TRDN: variants seen among roughly 807,000 people sequenced by gnomAD.
TRDN encodes triadin in skeletal muscle.
A neutral mutation model predicts 149.7 loss-of-function variants in TRDN; 161 were observed. The observed-to-expected ratio is 1.08, with a 90% CI of 0.95 to 1.23. The LOEUF is 1.23. Among genes scored for constraint, TRDN ranks in the 50% most tolerant of loss-of-function variants. The pLI is 0.00. For missense variants in TRDN, 896 were observed against 823.5 expected (o/e 1.09, Z -1.08); for synonymous variants, 294 against 250.5 (o/e 1.17, Z -1.64).
intron 1 of TRDN, among the ~76,000 whole-genome samples, chr6:123,620,421 G>A (rs1005595931): frequency 3.3e-5 from 5 of 152,028 alleles, no homozygotes; most frequent in Admixed American, 6.6e-5. Flanking sequence ...AAACTTATTC[G>A]GAATTTTCTC....
At position 123,561,286 on chromosome 6, in the gene TRDN, A is replaced by G. The variant is rs75024894; in HGVS notation, c.232+9637T>C. ...ACATTTATATACCTTACAATCCTCA[A>G]TCTTCAGGAATGGTAGAACGGACTA... On this transcript the variant is annotated intron_variant, in intron 2 of 40. Transcript: ENST00000334268. 8.2e-3 allele frequency among the ~76,000 whole-genome samples: 1,252 copies of G among 152,194 alleles called. 5 individuals carry two copies. Among genetic ancestry groups the G allele is most frequent in the African/African-American group, 0.013 (530 of 41,520 alleles).
chr6:123,289,168 C>T lies in TRDN; in HGVS notation c.1511-10086G>A, dbSNP rs147417169. ...ATATTATATATAATATATACACACACGTACACACACAAAATAGGATACTAT... is the reference window on the plus strand; with the variant it reads ...ATATTATATATAATATATACACACATGTACACACACAAAATAGGATACTAT... On this transcript the variant is annotated intron_variant, in intron 24 of 40. Transcript: ENST00000334268. Among the ~76,000 whole-genome samples, 435 of 145,198 alleles carry T rather than the reference C, an allele frequency of 3.0e-3. 3 individuals carry two copies. Among genetic ancestry groups the T allele is most frequent in the East Asian group, 0.017 (87 of 5,032 alleles).
intron 19 of TRDN, among the ~76,000 whole-genome samples, chr6:123,369,451 G>A (rs1160155481): frequency 6.6e-6 from 1 of 152,106 alleles, no homozygotes; most frequent in African/African-American, 2.4e-5. Context: ...TACCACCTGA[G>A]CAGTCATCGA....
chr6:123,226,697 A>G (rs1296266927), intron 38 of TRDN, among the ~76,000 whole-genome samples: 1 of 151,886 alleles, frequency 6.6e-6, no homozygotes. Context: ...AACTAGGAAT[A>G]AAATTCAAGA....
chr6:123,390,110 A>T (rs930691234), intron 13 of TRDN, among the ~76,000 whole-genome samples: 5 of 152,122 alleles, frequency 3.3e-5, no homozygotes, highest in African/African-American at 7.2e-5. Flanking sequence ...CCCTCGAAGG[A>T]GCTCTGGTCA....
intron 11 of TRDN, 138 bp from the exon 12 acceptor site, chr6:123,438,260 T>C (rs1774683945): frequency 3.1e-6 from 2 of 645,630 alleles, no homozygotes; most frequent in Non-Finnish European, 5.2e-6. Flanking sequence ...ATGTCAAATA[T>C]GAATAAGGTA....
chr6:123,582,861 A>AC (rs1414664143), intron 1 of TRDN, among the ~76,000 whole-genome samples: 1 of 28,376 alleles, frequency 3.5e-5, no homozygotes, highest in African/African-American at 2.6e-4. Flanking sequence ...TTTGAGTGGG[A>AC]TTGGGGGGGC....
intron 9 of TRDN, among the ~76,000 whole-genome samples, chr6:123,483,913 A>C (rs1777877132): frequency 6.6e-6 from 1 of 152,204 alleles, no homozygotes; most frequent in Non-Finnish European, 1.5e-5. Flanking sequence ...GCTATGCAAG[A>C]ATAACAGTAT....
chr6:123,540,651 TG>T (rs1780783593), intron 4 of TRDN, among the ~76,000 whole-genome samples: 1 of 152,160 alleles, frequency 6.6e-6, no homozygotes, highest in Non-Finnish European at 1.5e-5. Context: ...TCCGAGTAGC[TG>T]GGACTACAAG....
chr6:123,276,926 G>A (rs1777388455), intron 26 of TRDN, among the ~76,000 whole-genome samples: 1 of 152,160 alleles, frequency 6.6e-6, no homozygotes, highest in Admixed American at 6.6e-5. Flanking sequence ...AGCACACTGA[G>A]CTAAGAGGAC....
chr6:123,248,140 C>G (rs1776250351), intron 38 of TRDN, among the ~76,000 whole-genome samples: 1 of 151,844 alleles, frequency 6.6e-6, no homozygotes, highest in South Asian at 2.1e-4. Flanking sequence ...AACAAAAGAT[C>G]AATAAAATTG....
chr6:123,257,659 G>A (rs561356379), intron 35 of TRDN, among the ~76,000 whole-genome samples: 1 of 152,178 alleles, frequency 6.6e-6, no homozygotes, highest in East Asian at 1.9e-4. Flanking sequence ...ATTTAAAGTA[G>A]TTTTTTCTAA....
chr6:123,451,798 T>A (rs1278602664), intron 10 of TRDN, among the ~76,000 whole-genome samples: 1 of 151,760 alleles, frequency 6.6e-6, no homozygotes, highest in Non-Finnish European at 1.5e-5. Flanking sequence ...TAATGAAAAA[T>A]GAAAACTACA....
chr6:123,377,963 T>TA (rs1410221123), intron 16 of TRDN, 65 bp from the exon 17 acceptor site: 4 of 1,195,810 alleles, frequency 3.3e-6, no homozygotes, highest in Non-Finnish European at 4.6e-6. Flanking sequence ...AATCCCAACT[T>TA]AATTGTTTTA....
At chr6:123,238,446 A>AAATAAGGT (rs1775869884) in intron 38 of TRDN, among the ~76,000 whole-genome samples, 1 of 152,150 alleles carries the variant, frequency 6.6e-6, no homozygotes, top group South Asian at 2.1e-4. Flanking sequence ...AAAGTAATAG[A>AAATAAGGT]AATAAGGTAT....
chr6:123,267,616 G>T, intron 32 of TRDN, 91 bp downstream of exon 32: 1 of 862,192 alleles, frequency 1.2e-6, no homozygotes, highest in Non-Finnish European at 1.7e-6. Context: ...AGGAAACACA[G>T]TGAAAATGAC....
At chr6:123,332,015 T>G (rs180940797) in intron 22 of TRDN, 86 bp from the exon 23 acceptor site, 1 of 1,034,968 alleles carries the variant, frequency 9.7e-7, no homozygotes, top group East Asian at 2.7e-5. Flanking sequence ...GCTGAAAGTA[T>G]CAGTAAGCTG....
chr6:123,394,382 A>G (rs1021567082), intron 12 of TRDN, among the ~76,000 whole-genome samples: 2 of 152,182 alleles, frequency 1.3e-5, no homozygotes, highest in Non-Finnish European at 2.9e-5. Context: ...AAAAATTTCA[A>G]AAAATAACGG....
intron 9 of TRDN, chr6:123,489,028 A>G (rs1240329438): frequency 1.3e-5 from 2 of 152,154 alleles, no homozygotes; most frequent in Non-Finnish European, 2.9e-5. Flanking sequence ...CACAGAAATC[A>G]CTTAACATTT....
Sources: gnomAD v4.1 joint callset for allele counts (sites outside exome capture counted in the v4.1 genomes callset) on GRCh38, gnomAD v4.1.1 for gene constraint, MANE v1.5 for transcripts, NCBI Gene and HGNC (gene_info 2026-07-23, HGNC 2026-07-21) for gene names.